Variants in CSMD1 observed in about 807,000 individuals in gnomAD.
CSMD1 encodes CUB and sushi domain-containing protein 1.
A neutral mutation model predicts 417.5 loss-of-function variants in CSMD1; 213 were observed. That is an observed-to-expected ratio of 0.51 (90% CI 0.46 to 0.57). CSMD1 has a LOEUF of 0.57. Among genes scored for constraint, CSMD1 ranks in the 20% least tolerant of loss-of-function variants. The pLI, the probability that CSMD1 is intolerant of heterozygous loss-of-function variation, is 0.00. For missense variants in CSMD1, 6,923 were observed against 4,529.7 expected, an observed-to-expected ratio of 1.53 and a Z score of -15.17; for synonymous variants, 2,862 against 1,736.8, an observed-to-expected ratio of 1.65 and a Z score of -16.11.
At chr8:4,278,986 A>G (rs1383534977) in intron 3 of CSMD1, among the ~76,000 whole-genome samples, 1 of 152,186 alleles carries the variant, frequency 6.6e-6, no homozygotes, top group Non-Finnish European at 1.5e-5. Context: ...AGATTGCTAT[A>G]TTGTTATAAC....
chr8:3,882,042 A>C (rs898536353), intron 5 of CSMD1, among the ~76,000 whole-genome samples: 1 of 152,198 alleles, frequency 6.6e-6, no homozygotes, highest in African/African-American at 2.4e-5. Flanking sequence ...AAAAGGTATT[A>C]ACAATAAAAG....
At chr8:2,959,088 T>C (rs1306704015) in intron 62 of CSMD1, among the ~76,000 whole-genome samples, 1 of 152,208 alleles carries the variant, frequency 6.6e-6, no homozygotes, top group African/African-American at 2.4e-5. Flanking sequence ...TACTCTTGAT[T>C]GATTGATTGA....
chr8:4,726,452 T>C (rs1304445020), intron 1 of CSMD1, among the ~76,000 whole-genome samples: 1 of 152,240 alleles, frequency 6.6e-6, no homozygotes, highest in African/African-American at 2.4e-5. Flanking sequence ...CAGCTCTTTG[T>C]GCTCCTTAAG....
intron 7 of CSMD1, among the ~76,000 whole-genome samples, chr8:3,643,795 G>C (rs556673428): frequency 6.6e-6 from 1 of 150,952 alleles, no homozygotes; most frequent in East Asian, 1.9e-4. Context: ...CAGTAATACA[G>C]AGAAGGGGAG....
chr8:3,814,141 C>G (rs888575983), intron 5 of CSMD1, among the ~76,000 whole-genome samples: 16 of 152,182 alleles, frequency 1.1e-4, no homozygotes, highest in African/African-American at 3.9e-4. Context: ...CCAGCTCAGC[C>G]CCAGATTCTG....
intron 37 of CSMD1, among the ~76,000 whole-genome samples, chr8:3,163,691 A>G (rs190381678): frequency 6.6e-6 from 1 of 152,142 alleles, no homozygotes; most frequent in African/African-American, 2.4e-5. Flanking sequence ...CAAGCACGAG[A>G]CCCAGTGTGA....
chr8:4,951,582 CAA>C (rs144202801), intron 1 of CSMD1, among the ~76,000 whole-genome samples: 7,505 of 130,446 alleles, frequency 0.058, 193 homozygotes, highest in South Asian at 0.067. Flanking sequence ...AGAAAAGAAG[CAA>C]AAAAAAAAGA....
rs1384363923 is a variant in CSMD1 at position 3,000,007 on chromosome 8, C to G, written c.8154G>C (p.Arg2718Ser). ...ACCACTTGTGGTCTTGCAGGCATAT[C>G]CTCACGGAAGTTCCCACAAGCCGGA... ...PGFRLVGTSV[R>S]ICLQDHKWSG... Residue 2718 changes from arginine to serine, a missense_variant, in exon 53 of 70, where the codon AGG becomes AGC. Arg to Ser is a moderately radical substitution (Grantham distance 110). Transcript: ENST00000635120. 2.5e-6 allele frequency: 4 copies of G among 1,608,360 alleles called. No individual in the cohort carries two copies. Among genetic ancestry groups the G allele is most frequent in the Admixed American group, 1.7e-5 (1 of 58,750 alleles).
intron 3 of CSMD1, among the ~76,000 whole-genome samples, chr8:4,306,941 G>C (rs529160878): frequency 6.6e-6 from 1 of 152,044 alleles, no homozygotes. Flanking sequence ...TTCAGTATCT[G>C]TCGATCCTAC....
intron 10 of CSMD1, among the ~76,000 whole-genome samples, chr8:3,525,645 C>G (rs1055489169): frequency 6.6e-6 from 1 of 152,176 alleles, no homozygotes; most frequent in African/African-American, 2.4e-5. Flanking sequence ...TTCTATCAAT[C>G]TCATCATGAT....
chr8:3,709,616 G>C (rs547118175), intron 6 of CSMD1, among the ~76,000 whole-genome samples: 2 of 148,380 alleles, frequency 1.3e-5, no homozygotes, highest in African/African-American at 4.9e-5. Context: ...AGAACAAAAG[G>C]CTGATCTGCC....
chr8:4,215,988 G>C (rs1035934067), intron 3 of CSMD1, among the ~76,000 whole-genome samples: 2 of 152,210 alleles, frequency 1.3e-5, no homozygotes, highest in Non-Finnish European at 2.9e-5. Flanking sequence ...AACTCAGAGA[G>C]TGGTGCCCAT....
intron 7 of CSMD1, among the ~76,000 whole-genome samples, chr8:3,621,002 T>C (rs1301651058): frequency 6.6e-6 from 1 of 152,070 alleles, no homozygotes; most frequent in Non-Finnish European, 1.5e-5. Context: ...TGAGCCCTAA[T>C]CCAACATGAC....
intron 6 of CSMD1, among the ~76,000 whole-genome samples, chr8:3,739,909 G>A (rs948264654): frequency 7.9e-5 from 12 of 152,138 alleles, no homozygotes; most frequent in African/African-American, 2.9e-4. Context: ...CAGCCTTCAA[G>A]CAATGAGGAT....
intron 1 of CSMD1, among the ~76,000 whole-genome samples, chr8:4,745,856 C>T (rs1295549979): frequency 6.6e-6 from 1 of 152,130 alleles, no homozygotes; most frequent in Non-Finnish European, 1.5e-5. Flanking sequence ...TCACACTCTG[C>T]TGTATAGAAG....
At chr8:4,776,680 AG>A (rs1175326349) in intron 1 of CSMD1, among the ~76,000 whole-genome samples, 1 of 152,226 alleles carries the variant, frequency 6.6e-6, no homozygotes, top group Non-Finnish European at 1.5e-5. Context: ...TCTTTACCAC[AG>A]GGAGACAACC....
intron 2 of CSMD1, among the ~76,000 whole-genome samples, chr8:4,470,854 T>C (rs1015923151): frequency 2.0e-5 from 3 of 152,162 alleles, no homozygotes. Flanking sequence ...TTGATTTTTT[T>C]TGAGTTATGT....
intron 3 of CSMD1, among the ~76,000 whole-genome samples, chr8:4,274,867 C>G (rs986048790): frequency 2.0e-5 from 3 of 152,128 alleles, no homozygotes; most frequent in African/African-American, 7.2e-5. Flanking sequence ...TTTTCCCAGA[C>G]TCAAGTACCC....
chr8:3,101,191 T>C (rs192649275), intron 46 of CSMD1, among the ~76,000 whole-genome samples: 17 of 152,196 alleles, frequency 1.1e-4, no homozygotes, highest in African/African-American at 3.9e-4. Flanking sequence ...CCTGATTTAA[T>C]TTACCACCTC....
Sources: gnomAD v4.1 joint callset for allele counts (sites outside exome capture counted in the v4.1 genomes callset) on GRCh38, gnomAD v4.1.1 for gene constraint, MANE v1.5 for transcripts, NCBI Gene and HGNC (gene_info 2026-07-23, HGNC 2026-07-21) for gene names.